ERLIN1: variants seen among roughly 807,000 people sequenced by gnomAD.
ERLIN1 encodes erlin-1.
ERLIN1 carries 24 observed loss-of-function variants against 46.9 expected under a neutral mutation model. The observed-to-expected ratio is 0.51, with a 90% confidence interval of 0.37 to 0.72. The LOEUF is 0.72. Among genes scored for constraint, ERLIN1 ranks in the 30% least tolerant of loss-of-function variants. The pLI is 0.00. For synonymous variants in ERLIN1, 158 were observed against 143.2 expected, an observed-to-expected ratio of 1.10 and a Z score of -0.74; for missense variants, 293 against 417.9, an observed-to-expected ratio of 0.70 and a Z score of 2.61.
chr10:100,175,869 C>T, intron 5 of ERLIN1, 76 bp downstream of exon 5: 1 of 1,277,566 alleles, frequency 7.8e-7, no homozygotes, highest in Admixed American at 2.1e-5. Context: ...TAAGGTTTAC[C>T]AATATAACCT....
At chr10:100,159,830 T>A (rs1843265683) in intron 8 of ERLIN1, among the ~76,000 whole-genome samples, 1 of 145,170 alleles carries the variant, frequency 6.9e-6, no homozygotes. Flanking sequence ...TAAACTTAAC[T>A]ATCCAACTCA....
Position 100,150,431 on chromosome 10 carries a change from G to T in ERLIN1, c.*1700C>A, listed in dbSNP as rs949837342. ...AGATTTTCCACAACAATCATCTGCA[G>T]CAACAATTCGACAGGTAAAGATTTT... is the stretch of plus-strand genomic sequence containing the variant. On this transcript the variant is annotated 3_prime_UTR_variant, in exon 11 of 11. Coordinates refer to ENST00000421367, the MANE Select transcript of ERLIN1 (RefSeq NM_006459.4). 1 of 152,606 alleles carries T rather than the reference G, an allele frequency of 6.6e-6. No homozygotes were observed. Among genetic ancestry groups the T allele is most frequent in the African/African-American group, 2.4e-5 (1 of 41,424 alleles). 9.5% of individuals were successfully genotyped at this position (152,606 alleles called of 1,614,324 possible).
intron 1 of ERLIN1, among the ~76,000 whole-genome samples, chr10:100,184,474 G>A (rs11190416): frequency 0.3 from 45,753 of 152,104 alleles, 8,592 homozygotes; most frequent in East Asian, 0.44. Flanking sequence ...TAAAAAGGAG[G>A]CATTTGGGGA....
chr10:100,185,587 C>T lies in ERLIN1; in HGVS notation c.40G>A (p.Val14Met), dbSNP rs778691837. 1.9e-6 allele frequency: 3 copies of T among 1,614,058 alleles called. No homozygotes were observed. The South Asian group carries it at 3.3e-5, about 18-fold the overall frequency. ...TAGAGCAGGACAGCCACCAACCCCA[C>T]CACTGCAGCCACCAGAACCCGGGCT... Reference protein sequence around the residue: ...TQARVLVAAVVGLVAVLLYAS... With the variant: ...TQARVLVAAVMGLVAVLLYAS... Residue 14 changes from valine to methionine, a missense_variant, in exon 1 of 11, where the codon GTG becomes ATG. By Grantham distance (21) the Val-to-Met change is conservative. This residue lies in a region of ERLIN1 where 76 missense variants were observed against 77.0 expected (regional missense o/e 0.99). Transcript: ENST00000421367.
chr10:100,157,645 A>G (rs537404709), intron 8 of ERLIN1, among the ~76,000 whole-genome samples: 5 of 152,366 alleles, frequency 3.3e-5, no homozygotes, highest in Admixed American at 6.5e-5. Flanking sequence ...CCACCAATGT[A>G]AAATCAATCT....
In ERLIN1 at chr10:100,182,037, TTATA is replaced by T. The variant is rs538018322; in HGVS notation, c.195+1715_195+1718del. 6.2e-3 allele frequency among the ~76,000 whole-genome samples: 950 copies of T among 152,222 alleles called. 9 individuals carry two copies. Among genetic ancestry groups the T allele is most frequent in the African/African-American group, 0.021 (892 of 41,536 alleles). On this transcript the variant is annotated intron_variant, in intron 2 of 10. Transcript: ENST00000421367. ...TAAATATATACACACACTATATTTG[TTATA>T]TATATACACAATTAAACTCCAAAAT...
intron 8 of ERLIN1, among the ~76,000 whole-genome samples, chr10:100,162,876 G>A (rs1021627528): frequency 6.6e-6 from 1 of 152,132 alleles, no homozygotes; most frequent in Non-Finnish European, 1.5e-5. Flanking sequence ...CATACACTGA[G>A]TAATGCTACT....
intron 6 of ERLIN1, among the ~76,000 whole-genome samples, chr10:100,170,839 TG>T (rs1445234326): frequency 6.6e-6 from 1 of 151,924 alleles, no homozygotes; most frequent in East Asian, 1.9e-4. Flanking sequence ...CAATAACTAA[TG>T]AAAGAGTAGG....
At chr10:100,167,565 T>C (rs1214961165) in intron 6 of ERLIN1, among the ~76,000 whole-genome samples, 159 bp from the exon 7 acceptor site, 2 of 152,224 alleles carry the variant, frequency 1.3e-5, no homozygotes, top group Admixed American at 1.3e-4. Flanking sequence ...GAACATTTAC[T>C]TTTCATGCCA....
intron 7 of ERLIN1, 25 bp downstream of exon 7, chr10:100,167,323 T>C (rs748507681): frequency 5.8e-6 from 9 of 1,560,818 alleles, no homozygotes; most frequent in South Asian, 2.2e-5. Flanking sequence ...AACAGAAATA[T>C]TGGGATCCCA....
Position 100,181,379 on chromosome 10 carries a change from A to G in ERLIN1, c.196-2132T>C, listed in dbSNP as rs189677220. On this transcript the variant is annotated intron_variant, in intron 2 of 10. Coordinates refer to ENST00000421367, the MANE Select transcript of ERLIN1 (RefSeq NM_006459.4). ...ATTGCTTTTTCTTTTTACATCATAT[A>G]TGGAATTTCACATTTATATACATTC... Among the ~76,000 whole-genome samples, 378 of 152,312 alleles carry G rather than the reference A, an allele frequency of 2.5e-3. 2 individuals are homozygous for G. Among genetic ancestry groups the G allele is most frequent in the Non-Finnish European group, 3.5e-3 (241 of 68,030 alleles).
rs1271433860 is a variant in ERLIN1 at position 100,151,726 on chromosome 10, CCTT to C, written c.*402_*404del. The C allele has an allele frequency of 1.0e-5, 3 of 292,106 alleles. No homozygotes were observed. Among genetic ancestry groups the C allele is most frequent in the East Asian group, 1.7e-4 (2 of 11,724 alleles). The allele number at this position is 292,106 out of a possible 1,614,324, so 18.1% of individuals were successfully genotyped here. On this transcript the variant is annotated 3_prime_UTR_variant, in exon 11 of 11. Transcript: ENST00000421367. ...ATCAGTCTTCTTGAACTTACCATCT[CCTT>C]CTCAGTCATCTCTTGAATGGTGGCT...
At chr10:100,157,596 T>C (rs372633103) in intron 8 of ERLIN1, among the ~76,000 whole-genome samples, 1 of 152,206 alleles carries the variant, frequency 6.6e-6, no homozygotes, top group Admixed American at 6.5e-5. Context: ...TAAAACAGTA[T>C]GCTTTACGAA....
chr10:100,177,673 A>G (rs1844390094), intron 4 of ERLIN1, among the ~76,000 whole-genome samples: 1 of 152,180 alleles, frequency 6.6e-6, no homozygotes, highest in South Asian at 2.1e-4. Context: ...TACCCACCCC[A>G]TACCTGTAGG....
intron 8 of ERLIN1, among the ~76,000 whole-genome samples, chr10:100,163,067 A>G (rs1438557192): frequency 6.6e-6 from 1 of 152,242 alleles, no homozygotes; most frequent in Non-Finnish European, 1.5e-5. Flanking sequence ...ACGATCTACC[A>G]TCTCACAGAG....
rs1844966063 is a variant in ERLIN1 at position 100,186,020 on chromosome 10, C to A, written c.-394G>T. 4.8e-6 allele frequency: 2 copies of A among 418,308 alleles called. No homozygotes were observed. Among genetic ancestry groups the A allele is most frequent in the South Asian group, 8.2e-5 (1 of 12,194 alleles). 25.9% of individuals were successfully genotyped at this position (418,308 alleles called of 1,614,324 possible). Reference sequence around the variant, plus strand: ...CAGCCGACTCCCGCGCCGAGCCAACCGCCGCCAACAGCCGGCCCCGCCCAC... The same window carrying A: ...CAGCCGACTCCCGCGCCGAGCCAACAGCCGCCAACAGCCGGCCCCGCCCAC... On this transcript the variant is annotated 5_prime_UTR_variant, in exon 1 of 11. Coordinates refer to ENST00000421367, the MANE Select transcript of ERLIN1 (RefSeq NM_006459.4).
intron 3 of ERLIN1, among the ~76,000 whole-genome samples, chr10:100,178,930 C>T (rs1844472019): frequency 6.6e-6 from 1 of 152,062 alleles, no homozygotes; most frequent in Non-Finnish European, 1.5e-5. Context: ...AAAAAATAGT[C>T]AATAAAGCAG....
chr10:100,165,917 G>A (rs1472928348), intron 7 of ERLIN1, among the ~76,000 whole-genome samples: 1 of 152,002 alleles, frequency 6.6e-6, no homozygotes, highest in Non-Finnish European at 1.5e-5. Flanking sequence ...CTGGAGACAG[G>A]GTTTCACCAT....
rs551785712 is a variant in ERLIN1 at position 100,165,540 on chromosome 10, C to T, written c.564-1445G>A. Among the ~76,000 whole-genome samples the T allele has an allele frequency of 1.7e-3, 256 of 152,086 alleles. 2 individuals are homozygous for T. The highest frequency in any genetic ancestry group is 5.9e-3 in the African/African-American group (243 of 41,490). On this transcript the variant is annotated intron_variant, in intron 7 of 10. Coordinates refer to ENST00000421367, the MANE Select transcript of ERLIN1 (RefSeq NM_006459.4). The stretch of plus-strand genomic sequence containing the variant: ...TAGCTGGGACTACAGGCGCCCACCA[C>T]CATGCCTGGCTAATTTTTTGTATTT...
Sources: allele counts gnomAD v4.1 joint callset (sites outside exome capture counted in the v4.1 genomes callset), GRCh38; gene constraint gnomAD v4.1.1; regional missense constraint gnomAD v4.1.1; transcripts MANE v1.5; gene names NCBI Gene and HGNC (gene_info 2026-07-23, HGNC 2026-07-21).